The following RAB28 variants were observed in gnomAD, a reference collection of about 807,000 sequenced individuals.
The protein encoded by RAB28 is ras-related protein Rab-28.
A neutral mutation model predicts 31.7 loss-of-function variants in RAB28; 24 were observed. The observed-to-expected ratio is 0.76, with a 90% CI of 0.55 to 1.06. RAB28 has a LOEUF of 1.06. RAB28 is among the 50% of genes least tolerant of loss of function. The probability of loss-of-function intolerance (pLI) is 0.00; values close to 1 mark genes in which losing one functional copy is unlikely to be tolerated. For synonymous variants in RAB28, 100 were observed against 90.4 expected (o/e 1.11, Z -0.60); for missense variants, 254 against 258.5 (o/e 0.98, Z 0.12).
At chr4:13,464,947 G>A (rs1024479852) in intron 3 of RAB28, among the ~76,000 whole-genome samples, 3 of 151,890 alleles carry the variant, frequency 2.0e-5, no homozygotes, top group African/African-American at 4.8e-5. Context: ...AGCACAGATA[G>A]GGATAATAAA....
intron 3 of RAB28, 40 bp from the exon 4 acceptor site, chr4:13,460,868 T>G: frequency 1.3e-6 from 2 of 1,580,828 alleles, no homozygotes; most frequent in Non-Finnish European, 1.7e-6. Flanking sequence ...AATGTATTAT[T>G]TGGTGAAAAA....
intron 4 of RAB28, among the ~76,000 whole-genome samples, chr4:13,387,159 T>A (rs532105678): frequency 2.0e-5 from 3 of 152,006 alleles, no homozygotes; most frequent in Non-Finnish European, 4.4e-5. Context: ...GTGTAATACC[T>A]GGGTGATGAA....
At chr4:13,385,853 G>A (rs1729347023) in intron 4 of RAB28, among the ~76,000 whole-genome samples, 1 of 152,002 alleles carries the variant, frequency 6.6e-6, no homozygotes, top group Admixed American at 6.6e-5. Context: ...TTCACCATAA[G>A]CAAAAATCAA....
chr4:13,426,979 T>C lies in RAB28; in HGVS notation c.391+33720A>G, dbSNP rs1713532063. Among the ~76,000 whole-genome samples, 3 of 152,190 alleles carry C rather than the reference T, an allele frequency of 2.0e-5. No homozygotes were observed. The South Asian group carries it at 6.2e-4, about 31-fold the overall frequency. ...TTTGGTTTGTGTGGGTTATTAATCA[T>C]CATTAACATCCTCCTCTACCTCCTT... On this transcript the variant is annotated intron_variant, in intron 4 of 6. Transcript: ENST00000330852.
intron 3 of RAB28, 84 bp downstream of exon 3, chr4:13,474,234 G>C: frequency 1.2e-6 from 1 of 868,002 alleles, no homozygotes; most frequent in East Asian, 2.4e-5. Flanking sequence ...GAATGTGTGT[G>C]TGTGTGCATT....
At chr4:13,408,807 C>G (rs2108907379) in intron 4 of RAB28, among the ~76,000 whole-genome samples, 1 of 152,114 alleles carries the variant, frequency 6.6e-6, no homozygotes, top group East Asian at 1.9e-4. Context: ...CTAAAAAAGG[C>G]ATTACAAAAT....
chr4:13,466,480 A>C (rs142101752), intron 3 of RAB28, among the ~76,000 whole-genome samples: 1 of 152,074 alleles, frequency 6.6e-6, no homozygotes, highest in African/African-American at 2.4e-5. Flanking sequence ...AATGCAAATT[A>C]AAAGCAAAAT....
chr4:13,475,094 A>G (rs2108973123), intron 2 of RAB28, among the ~76,000 whole-genome samples: 1 of 151,816 alleles, frequency 6.6e-6, no homozygotes, highest in Non-Finnish European at 1.5e-5. Context: ...TTCCATTTAA[A>G]CAAACTATGT....
At chr4:13,378,934 G>C (rs1218623764) in intron 5 of RAB28, among the ~76,000 whole-genome samples, 1 of 152,110 alleles carries the variant, frequency 6.6e-6, no homozygotes, top group Non-Finnish European at 1.5e-5. Flanking sequence ...TCATCGGCCT[G>C]GTGCATTGGC....
intron 4 of RAB28, among the ~76,000 whole-genome samples, chr4:13,434,950 T>G (rs1463610951): frequency 8.0e-6 from 1 of 125,562 alleles, no homozygotes; most frequent in Non-Finnish European, 1.6e-5. Context: ...ACCCGGGAGG[T>G]GGAGGTTGCA....
At chr4:13,397,285 C>T (rs961426045) in intron 4 of RAB28, among the ~76,000 whole-genome samples, 1 of 152,040 alleles carries the variant, frequency 6.6e-6, no homozygotes, top group African/African-American at 2.4e-5. Flanking sequence ...TTTGATGACA[C>T]ATACACATAT....
rs754674199 is a variant in RAB28, at chr4:13,448,842, TG to T, written c.391+11856del. ...TTCAATATATAGAATGATCTCAGTA[TG>T]TTCCAGTAAGTAAATGATCACACTT... is the stretch of plus-strand genomic sequence containing the variant. On this transcript the variant is annotated intron_variant, in intron 4 of 6. Transcript: ENST00000330852. 8.5e-5 allele frequency among the ~76,000 whole-genome samples: 13 copies of T among 152,138 alleles called. No homozygotes were observed. In the East Asian group the frequency reaches 2.5e-3, roughly 29 times the overall value.
chr4:13,425,190 A>G (rs1254624392), intron 4 of RAB28, among the ~76,000 whole-genome samples: 6 of 152,176 alleles, frequency 3.9e-5, no homozygotes, highest in African/African-American at 9.7e-5. Flanking sequence ...CACACTCAGT[A>G]TCAAAGATTT....
chr4:13,399,856 C>T (rs1711645227), intron 4 of RAB28, among the ~76,000 whole-genome samples: 1 of 152,026 alleles, frequency 6.6e-6, no homozygotes, highest in African/African-American at 2.4e-5. Context: ...TAATTCTTTA[C>T]TGTATCATTT....
At chr4:13,445,582 C>T (rs1477579662) in intron 4 of RAB28, among the ~76,000 whole-genome samples, 1 of 151,952 alleles carries the variant, frequency 6.6e-6, no homozygotes, top group African/African-American at 2.4e-5. Context: ...GTTATCGTTG[C>T]TTTCCATTTG....
chr4:13,449,657 C>T (rs1230779061), intron 4 of RAB28, among the ~76,000 whole-genome samples: 1 of 151,912 alleles, frequency 6.6e-6, no homozygotes, highest in Non-Finnish European at 1.5e-5. Flanking sequence ...TCTCTATGCC[C>T]TCATCTGTCA....
At chr4:13,410,682 TAAAG>T (rs1260837060) in intron 4 of RAB28, among the ~76,000 whole-genome samples, 2 of 151,652 alleles carry the variant, frequency 1.3e-5, no homozygotes, top group African/African-American at 2.4e-5. Context: ...ATAAAGAAAA[TAAAG>T]AACAATGCAA....
intron 6 of RAB28, among the ~76,000 whole-genome samples, chr4:13,368,915 C>T (rs955611515): frequency 1.8e-4 from 27 of 151,106 alleles, no homozygotes; most frequent in African/African-American, 6.6e-4. Flanking sequence ...TAATGAAAAA[C>T]TGACAAATCA....
At chr4:13,389,004 A>T (rs1577163699) in intron 4 of RAB28, among the ~76,000 whole-genome samples, 1 of 152,100 alleles carries the variant, frequency 6.6e-6, no homozygotes, top group Non-Finnish European at 1.5e-5. Flanking sequence ...CTATTTGCAC[A>T]TCCAAGTTTA....
Sources: gnomAD v4.1 joint callset for allele counts (sites outside exome capture counted in the v4.1 genomes callset) on GRCh38, gnomAD v4.1.1 for gene constraint, MANE v1.5 for transcripts, NCBI Gene and HGNC (gene_info 2026-07-23, HGNC 2026-07-21) for gene names.